Variants in RPS6KB1 observed in about 807,000 individuals in gnomAD.
RPS6KB1 encodes ribosomal protein S6 kinase B1.
Under a neutral mutation model 70.2 loss-of-function variants are expected in RPS6KB1, and 12 were observed. The observed-to-expected ratio is 0.17, with a 90% confidence interval of 0.11 to 0.28. RPS6KB1 has a LOEUF of 0.28. RPS6KB1 is among the 10% of genes least tolerant of loss of function. The pLI is 1.00. For missense variants in RPS6KB1, 270 were observed against 646.6 expected, an observed-to-expected ratio of 0.42 and a Z score of 6.32; for synonymous variants, 175 against 211.2, an observed-to-expected ratio of 0.83 and a Z score of 1.49.
chr17:59,922,911 G>A (rs2043366387), intron 4 of RPS6KB1, among the ~76,000 whole-genome samples: 1 of 148,970 alleles, frequency 6.7e-6, no homozygotes, highest in Non-Finnish European at 1.5e-5. Context: ...CTGGTGCCCA[G>A]GCTGGAGTGC....
chr17:59,905,441 A>G (rs1298348650), intron 1 of RPS6KB1, among the ~76,000 whole-genome samples: 1 of 151,814 alleles, frequency 6.6e-6, no homozygotes, highest in South Asian at 2.1e-4. Context: ...TTTCCCCAGG[A>G]TCATGAAGAT....
chr17:59,893,755 C>T lies in RPS6KB1; in HGVS notation c.141+430C>T, dbSNP rs1293149352. 1 of 992,604 alleles carries T rather than the reference C, an allele frequency of 1.0e-6. No homozygotes were observed. The highest frequency in any genetic ancestry group is 1.1e-4 in the East Asian group (1 of 9,166). 61.5% of individuals were successfully genotyped at this position (992,604 alleles called of 1,614,324 possible). ...TTCAAGTATTGAATCTTCAGACCTC[C>T]CACAACCACCTCTCTTCTCGGCCTG... On this transcript the variant is annotated intron_variant, in intron 1 of 14. Coordinates refer to ENST00000225577, the MANE Select transcript of RPS6KB1 (RefSeq NM_003161.4). This position sits in a 1 kb window ranked among gnomAD's most constrained non-coding sequence, Gnocchi z 4.1.
intron 12 of RPS6KB1, among the ~76,000 whole-genome samples, chr17:59,938,189 G>A (rs1481256881): frequency 1.4e-5 from 2 of 143,242 alleles, no homozygotes; most frequent in Admixed American, 6.9e-5. Flanking sequence ...TTTTTTGGGG[G>A]GGGGATAGGG....
chr17:59,900,223 CACACACA>C (rs1375143838), intron 1 of RPS6KB1, among the ~76,000 whole-genome samples: 104 of 140,972 alleles, frequency 7.4e-4, no homozygotes, highest in South Asian at 5.7e-3. Context: ...CACACACACA[CACACACA>C]CCCCTATGTG....
intron 7 of RPS6KB1, among the ~76,000 whole-genome samples, chr17:59,933,807 T>C (rs1318778201): frequency 6.6e-6 from 1 of 152,240 alleles, no homozygotes; most frequent in East Asian, 1.9e-4. Context: ...AGTATGTTTA[T>C]TGGGGTCTGT....
chr17:59,907,581 A>G (rs1472786826), intron 1 of RPS6KB1, among the ~76,000 whole-genome samples: 1 of 149,248 alleles, frequency 6.7e-6, no homozygotes, highest in African/African-American at 2.5e-5. Flanking sequence ...TCTGTTGCCC[A>G]GGCTGGAATA....
intron 13 of RPS6KB1, 128 bp from the exon 14 acceptor site, chr17:59,945,278 G>GTGGGAGAGTGTACACAT (rs1228060675): frequency 3.5e-6 from 2 of 563,772 alleles, no homozygotes; most frequent in African/African-American, 3.8e-5. Flanking sequence ...GGTTGAGGAC[G>GTGGGAGAGTGTACACAT]TGGGAGAGTG....
chr17:59,918,428 G>A (rs369135734), intron 4 of RPS6KB1, among the ~76,000 whole-genome samples: 13 of 151,548 alleles, frequency 8.6e-5, no homozygotes, highest in African/African-American at 3.1e-4. Context: ...TGAGTGCAGT[G>A]GTGCGATCTT....
chr17:59,922,143 C>G (rs1291830249), intron 4 of RPS6KB1, among the ~76,000 whole-genome samples: 1 of 150,878 alleles, frequency 6.6e-6, no homozygotes, highest in South Asian at 2.1e-4. Flanking sequence ...TGGGTTCAAG[C>G]GATTCTCCTG....
At chr17:59,917,127 G>T (rs554057124) in intron 4 of RPS6KB1, among the ~76,000 whole-genome samples, 1 of 152,048 alleles carries the variant, frequency 6.6e-6, no homozygotes, top group Non-Finnish European at 1.5e-5. Flanking sequence ...TTTTTATTTA[G>T]TTAGTTTTTG....
At chr17:59,917,499 G>A (rs2043026221) in intron 4 of RPS6KB1, among the ~76,000 whole-genome samples, 1 of 151,788 alleles carries the variant, frequency 6.6e-6, no homozygotes, top group African/African-American at 2.4e-5. Flanking sequence ...GTGTGGTGGT[G>A]TGATCATACT....
At chr17:59,900,225 C>T in intron 1 of RPS6KB1, among the ~76,000 whole-genome samples, 1 of 142,642 alleles carries the variant, frequency 7.0e-6, no homozygotes, top group Non-Finnish European at 1.5e-5. Context: ...CACACACACA[C>T]ACACACCCCT....
chr17:59,920,158 C>T (rs2043187006), intron 4 of RPS6KB1, among the ~76,000 whole-genome samples: 1 of 151,486 alleles, frequency 6.6e-6, no homozygotes, highest in South Asian at 2.1e-4. Context: ...GCTGGGATTA[C>T]AGGTGCCCGC....
Position 59,945,315 on chromosome 17 carries a change from T to C in RPS6KB1, c.1228-91T>C, listed in dbSNP as rs1452033075. 8.9e-6 allele frequency: 6 copies of C among 677,130 alleles called. No homozygotes were observed. In the African/African-American group the frequency reaches 9.0e-5, roughly 10 times the overall value. 41.9% of individuals were successfully genotyped at this position (677,130 alleles called of 1,614,324 possible). On this transcript the variant is annotated intron_variant, in intron 13 of 14. Transcript: ENST00000225577. ...ACACATTGGTGGTTTTAGGTGTGCA[T>C]CATTGTGTAGGTATGTCAGACTGAA...
chr17:59,915,072 TC>T (rs2042863440), intron 4 of RPS6KB1, among the ~76,000 whole-genome samples: 1 of 151,134 alleles, frequency 6.6e-6, no homozygotes, highest in African/African-American at 2.4e-5. Context: ...CACTGCAACC[TC>T]CACCTCCCGG....
intron 6 of RPS6KB1, 31 bp from the exon 7 acceptor site, chr17:59,931,591 T>C (rs1379407565): frequency 4.5e-6 from 7 of 1,554,366 alleles, no homozygotes; most frequent in Non-Finnish European, 6.2e-6. Flanking sequence ...TTACACTCTT[T>C]TTAATTTTAT....
chr17:59,898,452 TTTTA>T (rs2144665057), intron 1 of RPS6KB1, among the ~76,000 whole-genome samples: 1 of 152,158 alleles, frequency 6.6e-6, no homozygotes, highest in Non-Finnish European at 1.5e-5. Context: ...AGCAACTTTT[TTTTA>T]TTTTTTATTT....
chr17:59,932,549 A>AC (rs1423048858), intron 7 of RPS6KB1, among the ~76,000 whole-genome samples: 2 of 123,858 alleles, frequency 1.6e-5, no homozygotes, highest in African/African-American at 3.2e-5. Context: ...GCATCAGGTT[A>AC]CTTTTTTTTT....
At position 59,948,985 on chromosome 17, in the gene RPS6KB1, G is replaced by A. The variant is rs1488512139; in HGVS notation, c.*2197G>A. The stretch of plus-strand genomic sequence containing the variant: ...TTATACACCAAAATATTCTTCCTAG[G>A]TCCTATTTGCTAGTAACATGAGCAC... On this transcript the variant is annotated 3_prime_UTR_variant, in exon 15 of 15. Transcript: ENST00000225577. 2 of 152,558 alleles carry A rather than the reference G, an allele frequency of 1.3e-5. No homozygotes were observed. The highest frequency in any genetic ancestry group is 2.9e-5 in the Non-Finnish European group (2 of 67,982). The allele number at this position is 152,558 out of a possible 1,614,324, so 9.5% of individuals were successfully genotyped here.
Sources: allele counts gnomAD v4.1 joint callset (sites outside exome capture counted in the v4.1 genomes callset), GRCh38; gene constraint gnomAD v4.1.1; non-coding constraint Gnocchi (gnomAD v3.1); transcripts MANE v1.5; gene names NCBI Gene and HGNC (gene_info 2026-07-23, HGNC 2026-07-21).